Variants in CGGBP1 observed in about 807,000 individuals in gnomAD.
CGGBP1 encodes CGG triplet repeat-binding protein 1.
CGGBP1 carries 4 observed loss-of-function variants against 11.4 expected under a neutral mutation model. That is an observed-to-expected ratio of 0.35 (90% confidence interval 0.17 to 0.80). The LOEUF (loss-of-function observed/expected upper bound fraction) is 0.80. Among genes scored for constraint, CGGBP1 ranks in the 30% least tolerant of loss-of-function variants. CGGBP1 has a pLI of 0.52. For synonymous variants in CGGBP1, 76 were observed against 74.1 expected (o/e 1.03, Z -0.13); for missense variants, 135 against 202.1 (o/e 0.67, Z 2.01).
chr3:88,133,862 T>TGA (rs1021856186), intron 2 of CGGBP1, among the ~76,000 whole-genome samples: 3 of 152,082 alleles, frequency 2.0e-5, no homozygotes, highest in African/African-American at 7.2e-5. Flanking sequence ...ATACTTGAAA[T>TGA]GTAAAGACAC....
chr3:88,110,272 G>A (rs1705008295), intron 2 of CGGBP1, among the ~76,000 whole-genome samples: 1 of 152,074 alleles, frequency 6.6e-6, no homozygotes, highest in South Asian at 2.1e-4. Flanking sequence ...AACCCAAACA[G>A]CTAGACCATG....
intron 2 of CGGBP1, chr3:88,126,035 C>T: frequency 1.7e-6 from 2 of 1,197,420 alleles, no homozygotes; most frequent in Non-Finnish European, 2.2e-6. Flanking sequence ...AATTTAATAG[C>T]TGCCTCACTG....
At chr3:88,129,321 TA>T (rs11370327) in intron 2 of CGGBP1, among the ~76,000 whole-genome samples, 356 of 76,926 alleles carry the variant, frequency 4.6e-3, no homozygotes, top group African/African-American at 0.016. Flanking sequence ...TTGCCAGGAG[TA>T]AAAAAAAAAA....
chr3:88,081,851 T>G (rs1708093402), intron 2 of CGGBP1, among the ~76,000 whole-genome samples: 2 of 152,202 alleles, frequency 1.3e-5, no homozygotes, highest in African/African-American at 4.8e-5. Context: ...TTACTGTTGC[T>G]GTAGAGTCAT....
chr3:88,143,657 A>C lies in CGGBP1; in HGVS notation c.-337-2579T>G, dbSNP rs1260912499. On this transcript the variant is annotated intron_variant, in intron 1 of 3. Transcript: ENST00000462901. ...TCCATTTTCATTACTTTTACTGTTC[A>C]TGCCAAGATGTTTCAAATATATTCC... The C allele has an allele frequency of 2.6e-5, 4 of 152,314 alleles. No homozygotes were observed. The South Asian group carries it at 8.3e-4, about 31-fold the overall frequency. The allele number at this position is 152,314 out of a possible 1,614,324, so 9.4% of individuals were successfully genotyped here. A position where few individuals can be genotyped will look rare whatever the true frequency, so the allele number is the denominator to read the frequency against.
chr3:88,116,292 G>A (rs1187712414), intron 2 of CGGBP1, among the ~76,000 whole-genome samples: 5 of 151,952 alleles, frequency 3.3e-5, no homozygotes, highest in African/African-American at 7.3e-5. Flanking sequence ...AGGCCGAGGC[G>A]GGCAGATCAC....
intron 2 of CGGBP1, among the ~76,000 whole-genome samples, chr3:88,082,984 G>T (rs562737375): frequency 3.0e-4 from 46 of 152,124 alleles, no homozygotes; most frequent in Middle Eastern, 3.4e-3. Context: ...CATAGAGAAA[G>T]AGAGAGGTCT....
At chr3:88,141,001 C>T (rs1222883855) in exon 2 of CGGBP1, 3 of 1,611,266 alleles carry the variant, frequency 1.9e-6, no homozygotes, top group Non-Finnish European at 2.5e-6. Context: ...GCTCATCTTG[C>T]ACAAAAGAAA....
chr3:88,110,268 A>T (rs948850232), intron 2 of CGGBP1, among the ~76,000 whole-genome samples: 3 of 152,104 alleles, frequency 2.0e-5, no homozygotes, highest in African/African-American at 7.2e-5. Flanking sequence ...TTCAAACCCA[A>T]ACAGCTAGAC....
chr3:88,112,697 C>G (rs1385810233), intron 2 of CGGBP1, among the ~76,000 whole-genome samples: 3 of 151,794 alleles, frequency 2.0e-5, no homozygotes, highest in Non-Finnish European at 4.4e-5. Flanking sequence ...TAATTTTATT[C>G]AACTCTTGTA....
upstream of CGGBP1, among the ~76,000 whole-genome samples, chr3:88,061,317 AATAGTGACAGT>A (rs987526630): frequency 2.5e-4 from 38 of 152,350 alleles, no homozygotes; most frequent in Admixed American, 7.2e-4. Context: ...ACAGTGTCTT[AATAGTGACAGT>A]ACAATATTTT....
intron 2 of CGGBP1, among the ~76,000 whole-genome samples, chr3:88,105,066 G>C (rs1262990613): frequency 6.6e-6 from 1 of 152,204 alleles, no homozygotes; most frequent in African/African-American, 2.4e-5. Flanking sequence ...CTTGAACCCA[G>C]GAGGTGGAGG....
chr3:88,132,742 A>C (rs184343275), intron 2 of CGGBP1, among the ~76,000 whole-genome samples: 24 of 152,318 alleles, frequency 1.6e-4, no homozygotes, highest in African/African-American at 4.8e-4. Flanking sequence ...TGTTTCAATT[A>C]TCTCTCTTAA....
intron 2 of CGGBP1, among the ~76,000 whole-genome samples, chr3:88,121,702 A>C (rs1423266010): frequency 6.6e-6 from 1 of 152,220 alleles, no homozygotes; most frequent in African/African-American, 2.4e-5. Context: ...ATTTATGATT[A>C]TTCTCATCTC....
chr3:88,091,246 G>A (rs1708616510), intron 2 of CGGBP1, among the ~76,000 whole-genome samples: 1 of 152,154 alleles, frequency 6.6e-6, no homozygotes, highest in Admixed American at 6.5e-5. Context: ...CCACAGAAGT[G>A]TTGGAGAGAG....
At chr3:88,075,913 C>G (rs187702874) in intron 2 of CGGBP1, among the ~76,000 whole-genome samples, 42 of 152,252 alleles carry the variant, frequency 2.8e-4, no homozygotes, top group African/African-American at 9.4e-4. Context: ...AAAAATCTTA[C>G]CAGCACAACA....
chr3:88,141,566 A>G, intron 1 of CGGBP1: 2 of 1,115,300 alleles, frequency 1.8e-6, no homozygotes, highest in Non-Finnish European at 2.5e-6. Flanking sequence ...GACAGGGTAT[A>G]AATTAAACAG....
At chr3:88,069,484 C>T (rs1478373577) in intron 2 of CGGBP1, among the ~76,000 whole-genome samples, 1 of 152,182 alleles carries the variant, frequency 6.6e-6, no homozygotes, top group African/African-American at 2.4e-5. Context: ...ATGGGATATG[C>T]TTAGATGAGA....
At chr3:88,108,661 C>G (rs1450434948) in intron 2 of CGGBP1, among the ~76,000 whole-genome samples, 2 of 152,226 alleles carry the variant, frequency 1.3e-5, no homozygotes, top group African/African-American at 2.4e-5. Flanking sequence ...TCGTAGCCCT[C>G]TAGGTTATCA....
Sources: allele counts gnomAD v4.1 joint callset (sites outside exome capture counted in the v4.1 genomes callset), GRCh38; gene constraint gnomAD v4.1.1; transcripts MANE v1.5; gene names NCBI Gene and HGNC (gene_info 2026-07-23, HGNC 2026-07-21).